SHISAL1: variants seen among roughly 807,000 people sequenced by gnomAD.
The protein encoded by SHISAL1 is shisa like 1.
A neutral mutation model predicts 22.6 loss-of-function variants in SHISAL1; 9 were observed. The observed-to-expected ratio is 0.40, with a 90% CI of 0.24 to 0.70. The LOEUF (loss-of-function observed/expected upper bound fraction) is 0.70, where lower values mean the gene tolerates loss of function less well. Among genes scored for constraint, SHISAL1 ranks in the 30% least tolerant of loss-of-function variants. The pLI, the probability that SHISAL1 is intolerant of heterozygous loss-of-function variation, is 0.39. For synonymous variants in SHISAL1, 119 were observed against 115.4 expected (o/e 1.03, Z -0.20); for missense variants, 246 against 270.6 (o/e 0.91, Z 0.64).
At chr22:44,266,525 G>GGTGTGTGTGTGTGTGTGT (rs386395566) in intron 4 of SHISAL1, among the ~76,000 whole-genome samples, 6 of 45,716 alleles carry the variant, frequency 1.3e-4, no homozygotes, top group Non-Finnish European at 2.8e-4. Context: ...GGGGCTTTGG[G>GGTGTGTGTGTGTGTGTGT]GTATGTGTGT....
chr22:44,331,296 C>T, the SHISAL1 span, among the ~76,000 whole-genome samples: 1 of 151,558 alleles, frequency 6.6e-6, no homozygotes, highest in African/African-American at 2.4e-5. The surrounding 1 kb of genome is among the most constrained non-coding windows in gnomAD (Gnocchi z 5.2). Flanking sequence ...TCATATGCCC[C>T]TTACCCGCCT....
At chr22:44,294,227 CAG>C (rs1392603079) in intron 3 of SHISAL1, among the ~76,000 whole-genome samples, 1 of 152,198 alleles carries the variant, frequency 6.6e-6, no homozygotes, top group Non-Finnish European at 1.5e-5. Context: ...ACTTCACACA[CAG>C]AATTATTCTA....
chr22:44,322,892 T>A, the SHISAL1 span, among the ~76,000 whole-genome samples: 1 of 152,226 alleles, frequency 6.6e-6, no homozygotes, highest in Non-Finnish European at 1.5e-5. Context: ...CTTAATTTCA[T>A]TCATTCACTA....
chr22:44,264,063 AAC>A (rs1341014817), intron 4 of SHISAL1, among the ~76,000 whole-genome samples: 41 of 152,296 alleles, frequency 2.7e-4, no homozygotes, highest in African/African-American at 9.6e-4. Context: ...GTGATGGAGA[AAC>A]ACAGTGTGGT....
intron 4 of SHISAL1, among the ~76,000 whole-genome samples, chr22:44,262,705 A>C (rs774370323): frequency 6.9e-4 from 105 of 152,346 alleles, no homozygotes; most frequent in Non-Finnish European, 1.4e-3. Context: ...GGGGAGTAGC[A>C]GGCTGCCCTG....
In SHISAL1 at chr22:44,280,855, G is replaced by A. The variant is rs377428443; in HGVS notation, c.599+4573C>T. On this transcript the variant is annotated intron_variant, in intron 4 of 4. Transcript: ENST00000381176. ...GGCAGGCAGGTTGTGCGGCACTGGC[G>A]GGGCCAGGTGGGTGTGTCTGACTGG... Among the ~76,000 whole-genome samples, 80 of 152,250 alleles carry A rather than the reference G, an allele frequency of 5.3e-4. 2 individuals are homozygous for A. The East Asian group carries it at 0.013, about 24-fold the overall frequency.
rs191725854 is a variant in SHISAL1 at position 44,282,592 on chromosome 22, C to T, written c.599+2836G>A. ...AGGAGCTGGAGAAGCTGGATTCATTCGCAGGAGAAAGAGCTGGGGTGGGCA... is the reference window on the plus strand; with the variant it reads ...AGGAGCTGGAGAAGCTGGATTCATTTGCAGGAGAAAGAGCTGGGGTGGGCA... On this transcript the variant is annotated intron_variant, in intron 4 of 4. Transcript: ENST00000381176. 1.2e-4 allele frequency among the ~76,000 whole-genome samples: 18 copies of T among 152,308 alleles called. No homozygotes were observed. The East Asian group carries it at 2.7e-3, about 23-fold the overall frequency.
At chr22:44,304,702 C>T (rs1044537411) in intron 1 of SHISAL1, among the ~76,000 whole-genome samples, 8 of 152,166 alleles carry the variant, frequency 5.3e-5, no homozygotes, top group Non-Finnish European at 8.8e-5. Flanking sequence ...TGGATTTCTC[C>T]GGGGGAGTCC....
intron 3 of SHISAL1, among the ~76,000 whole-genome samples, chr22:44,286,052 G>A (rs2055313198): frequency 6.6e-6 from 1 of 152,194 alleles, no homozygotes; most frequent in Non-Finnish European, 1.5e-5. Context: ...TTCTGAGCTG[G>A]CATCTGGGGC....
chr22:44,329,587 C>G, the SHISAL1 span, among the ~76,000 whole-genome samples: 1 of 152,156 alleles, frequency 6.6e-6, no homozygotes, highest in African/African-American at 2.4e-5. Flanking sequence ...TGTCAGAAAC[C>G]CTTGCCTGGG....
chr22:44,288,766 C>A (rs2055333483), intron 3 of SHISAL1, among the ~76,000 whole-genome samples: 1 of 152,240 alleles, frequency 6.6e-6, no homozygotes, highest in Admixed American at 6.5e-5. Flanking sequence ...CCCAGCTGGC[C>A]CTGGCACTGT....
intron 4 of SHISAL1, among the ~76,000 whole-genome samples, chr22:44,283,937 G>C (rs1601792096): frequency 6.6e-6 from 1 of 151,930 alleles, no homozygotes; most frequent in African/African-American, 2.4e-5. Flanking sequence ...ACATTTTATT[G>C]TCTGTAGCTC....
Position 44,282,423 on chromosome 22 carries a change from C to G in SHISAL1, c.599+3005G>C, listed in dbSNP as rs564841652. On this transcript the variant is annotated intron_variant, in intron 4 of 4. Transcript: ENST00000381176. ...GCCTTGGCCTCCTGTCTCTGTCCCC[C>G]CTGCGGTGGTCCTTGACCCACTGCT... Among the ~76,000 whole-genome samples the G allele has an allele frequency of 6.6e-5, 10 of 152,362 alleles. No individual in the cohort carries two copies. The South Asian group carries it at 1.0e-3, about 16-fold the overall frequency.
intron 3 of SHISAL1, among the ~76,000 whole-genome samples, chr22:44,287,031 G>T (rs995953952): frequency 1.3e-5 from 2 of 152,218 alleles, no homozygotes; most frequent in Admixed American, 6.5e-5. Context: ...CCAGACGGAG[G>T]TCTCGCGGGC....
chr22:44,268,591 C>G (rs368160238), intron 4 of SHISAL1, among the ~76,000 whole-genome samples: 2 of 152,212 alleles, frequency 1.3e-5, no homozygotes, highest in Non-Finnish European at 1.5e-5. Context: ...CAGCACCCCC[C>G]AGAAGACTCA....
At chr22:44,286,542 C>T (rs2147291577) in intron 3 of SHISAL1, among the ~76,000 whole-genome samples, 1 of 152,276 alleles carries the variant, frequency 6.6e-6, no homozygotes, top group South Asian at 2.1e-4. Flanking sequence ...TGCCTTCTTT[C>T]CCTGCCCCCT....
In SHISAL1 at chr22:44,300,952, G is replaced by A; in HGVS notation, c.-7C>T. ...GCTGGCCACAACTGGTCATCGTCTG[G>A]CTTGCATTGATCCGTCCAGAGCTGC... is the stretch of plus-strand genomic sequence containing the variant. On this transcript the variant is annotated 5_prime_UTR_variant, in exon 2 of 5. Transcript: ENST00000381176. 6.2e-7 allele frequency: 1 copy of A among 1,613,964 alleles called. No homozygotes were observed. Among genetic ancestry groups the A allele is most frequent in the Non-Finnish European group, 8.5e-7 (1 of 1,179,836 alleles).
intron 4 of SHISAL1, among the ~76,000 whole-genome samples, chr22:44,263,922 C>T (rs1347205111): frequency 6.6e-6 from 1 of 152,216 alleles, no homozygotes; most frequent in Non-Finnish European, 1.5e-5. Flanking sequence ...ATTACAGCAG[C>T]TACGGGACAC....
chr22:44,290,108 C>T (rs751697491), intron 3 of SHISAL1, among the ~76,000 whole-genome samples: 11 of 152,218 alleles, frequency 7.2e-5, no homozygotes, highest in Non-Finnish European at 1.5e-4. Flanking sequence ...AAGTCCCCAT[C>T]ACCACCCCAC....
Sources: allele counts gnomAD v4.1 joint callset (sites outside exome capture counted in the v4.1 genomes callset), GRCh38; gene constraint gnomAD v4.1.1; non-coding constraint Gnocchi (gnomAD v3.1); transcripts MANE v1.5; gene names NCBI Gene and HGNC (gene_info 2026-07-23, HGNC 2026-07-21).